ITPR1: variants seen among roughly 807,000 people sequenced by gnomAD.
The protein encoded by ITPR1 is inositol 1,4,5-trisphosphate-gated calcium channel ITPR1.
A neutral mutation model predicts 318.4 loss-of-function variants in ITPR1; 96 were observed. That is an observed-to-expected ratio of 0.30 (90% CI 0.26 to 0.36). ITPR1 has a LOEUF of 0.36. Ranked by LOEUF, ITPR1 falls within the 10% of genes least tolerant of loss-of-function variation. The pLI is 1.00. For missense variants in ITPR1, 2,440 were observed against 3,460.2 expected, an observed-to-expected ratio of 0.71 and a Z score of 7.40; for synonymous variants, 1,312 against 1,289.9, an observed-to-expected ratio of 1.02 and a Z score of -0.37.
chr3:4,716,175 C>G lies in ITPR1; in HGVS notation c.5104-1192C>G, dbSNP rs79230762. 6.9e-3 allele frequency among the ~76,000 whole-genome samples: 1,055 copies of G among 152,282 alleles called. 10 individuals carry two copies. Among genetic ancestry groups the G allele is most frequent in the Non-Finnish European group, 0.011 (728 of 68,026 alleles). On this transcript the variant is annotated intron_variant, in intron 39 of 61. Coordinates refer to ENST00000649015, the MANE Select transcript of ITPR1 (RefSeq NM_001378452.1). Reference sequence around the variant, plus strand: ...CTCTGTGTGCAATGCCTACTAATCTCTGCTTTTAATCTACAGTTTAAACCA... The same window carrying G: ...CTCTGTGTGCAATGCCTACTAATCTGTGCTTTTAATCTACAGTTTAAACCA...
At chr3:4,751,359 A>T (rs1022449822) in intron 44 of ITPR1, 1 of 152,026 alleles carries the variant, frequency 6.6e-6, no homozygotes, top group South Asian at 2.1e-4. Context: ...TGAGAACCCT[A>T]TGGCTGCCCA....
intron 4 of ITPR1, among the ~76,000 whole-genome samples, chr3:4,523,088 T>A (rs2082688638): frequency 6.6e-6 from 1 of 152,168 alleles, no homozygotes; most frequent in South Asian, 2.1e-4. Flanking sequence ...AAACTTGAAC[T>A]TTGTTATTCA....
In ITPR1 at chr3:4,697,321, T is replaced by TGTGTGTGA. The variant is rs773610457; in HGVS notation, c.4407+56_4407+57insAGTGTGTG. On this transcript the variant is annotated intron_variant, in intron 34 of 61. Transcript: ENST00000649015. ...GCAGAGTTGGAGAGTGAGAGGTGTG[T>TGTGTGTGA]GTGTGTGTGTGTGTGTGTGTGTGTG... The TGTGTGTGA allele has an allele frequency of 1.4e-3, 1,682 of 1,224,628 alleles. 13 individuals are homozygous for TGTGTGTGA. The African/African-American group carries it at 0.028, about 20-fold the overall frequency. 75.9% of individuals were successfully genotyped at this position (1,224,628 alleles called of 1,614,324 possible).
chr3:4,577,146 T>C (rs1292506420), intron 4 of ITPR1, among the ~76,000 whole-genome samples: 1 of 152,152 alleles, frequency 6.6e-6, no homozygotes, highest in Non-Finnish European at 1.5e-5. Context: ...ACCCCCCTAC[T>C]GAATACACTT....
intron 2 of ITPR1, among the ~76,000 whole-genome samples, chr3:4,497,535 G>A (rs1224605467): frequency 6.6e-6 from 1 of 152,088 alleles, no homozygotes; most frequent in African/African-American, 2.4e-5. Flanking sequence ...AAGCTATGGA[G>A]AAAAAGAAAA....
At chr3:4,546,000 T>C (rs1422314751) in intron 4 of ITPR1, among the ~76,000 whole-genome samples, 4 of 152,114 alleles carry the variant, frequency 2.6e-5, no homozygotes, top group African/African-American at 9.7e-5. Context: ...TTGAGCGAAA[T>C]ATTTAATTTT....
intron 30 of ITPR1, among the ~76,000 whole-genome samples, chr3:4,685,575 G>A (rs1574853997): frequency 6.6e-6 from 1 of 152,194 alleles, no homozygotes; most frequent in Non-Finnish European, 1.5e-5. Context: ...AGTATCACCA[G>A]CTATTAAGTG....
rs776510669 is a variant in ITPR1 at position 4,669,640 on chromosome 3, C to T, written c.1887-14C>T. 3 of 1,605,914 alleles carry T rather than the reference C, an allele frequency of 1.9e-6. 1 individual carries two copies. On this transcript the variant is annotated splice_polypyrimidine_tract_variant and intron_variant, in intron 18 of 61. Coordinates refer to ENST00000649015, the MANE Select transcript of ITPR1 (RefSeq NM_001378452.1). ...TCTATCTACAGAAAATGTTTTGTTT[C>T]TGTTTCTGTTTAGATTCTTAGATTA...
chr3:4,645,249 AT>A (rs1370845913), intron 8 of ITPR1, 137 bp from the exon 9 acceptor site: 6 of 678,550 alleles, frequency 8.8e-6, no homozygotes. Flanking sequence ...AGGTGCTGTG[AT>A]TTTAGTGGCG....
intron 60 of ITPR1, among the ~76,000 whole-genome samples, chr3:4,828,549 A>G (rs958961130): frequency 7.2e-5 from 11 of 152,164 alleles, no homozygotes; most frequent in Non-Finnish European, 1.2e-4. Flanking sequence ...CTAGGTGCCC[A>G]GGACCCAGCA....
At chr3:4,722,174 A>C (rs939841485) in intron 40 of ITPR1, among the ~76,000 whole-genome samples, 2 of 152,168 alleles carry the variant, frequency 1.3e-5, no homozygotes, top group African/African-American at 2.4e-5. Flanking sequence ...TCATTTTTCT[A>C]TTAAGTTAGG....
chr3:4,621,085 C>A (rs1002303112), intron 4 of ITPR1, among the ~76,000 whole-genome samples: 1 of 152,102 alleles, frequency 6.6e-6, no homozygotes. Flanking sequence ...ATTCCTCTCC[C>A]CACAATCCCA....
intron 4 of ITPR1, among the ~76,000 whole-genome samples, chr3:4,526,986 C>T (rs769281776): frequency 1.3e-5 from 2 of 152,188 alleles, no homozygotes; most frequent in Non-Finnish European, 2.9e-5. Flanking sequence ...AAAACCTGGC[C>T]TACTGGGGAA....
chr3:4,702,979 G>A (rs553291095), intron 36 of ITPR1, 29 bp downstream of exon 36: 19 of 1,602,338 alleles, frequency 1.2e-5, no homozygotes, highest in Non-Finnish European at 1.5e-5. Flanking sequence ...TTGGATATAC[G>A]TGATGAAAAT....
At chr3:4,506,359 G>A (rs535812981) in intron 2 of ITPR1, among the ~76,000 whole-genome samples, 101 of 152,166 alleles carry the variant, frequency 6.6e-4, no homozygotes, top group African/African-American at 2.2e-3. Context: ...TGTACTAGCC[G>A]TTTACTCTAC....
At chr3:4,777,197 CT>C (rs1220117134) in intron 47 of ITPR1, 66 bp from the exon 48 acceptor site, 8 of 895,452 alleles carry the variant, frequency 8.9e-6, no homozygotes, top group African/African-American at 1.6e-5. Context: ...GCAGTTCAGC[CT>C]GTTGGCCTTT....
chr3:4,784,491 C>G (rs1454591778), intron 51 of ITPR1, among the ~76,000 whole-genome samples: 1 of 151,810 alleles, frequency 6.6e-6, no homozygotes, highest in African/African-American at 2.4e-5. Context: ...GAAGTCTGGG[C>G]TGCATCCCCA....
At chr3:4,669,806 A>G (rs774361583) in intron 19 of ITPR1, 33 bp downstream of exon 19, 2 of 1,582,386 alleles carry the variant, frequency 1.3e-6, no homozygotes, top group Non-Finnish European at 1.7e-6. Context: ...GATGGAAAAC[A>G]TGGGGTTCAT....
chr3:4,768,573 G>A lies in ITPR1; in HGVS notation c.5788G>A (p.Ala1930Thr). ...VRDQLLEASAATRKAFTTFRR... is the reference protein window; with the variant it reads ...VRDQLLEASATTRKAFTTFRR... The stretch of plus-strand genomic sequence containing the variant: ...GGATCAGCTCCTGGAGGCCTCCGCT[G>A]CCACCAGGAAAGCCTTCACCACTTT... The change falls in exon 46 of 62, where the codon GCC becomes ACC. Residue 1930 changes from alanine (A) to threonine (T), a missense_variant. Ala to Thr is a moderately conservative substitution (Grantham distance 58, BLOSUM62 0). Transcript: ENST00000649015. The A allele has an allele frequency of 6.2e-7, 1 of 1,613,986 alleles. No individual in the cohort carries two copies. The highest frequency in any genetic ancestry group is 8.5e-7 in the Non-Finnish European group (1 of 1,179,860).
Sources: gnomAD v4.1 joint callset for allele counts (sites outside exome capture counted in the v4.1 genomes callset) on GRCh38, gnomAD v4.1.1 for gene constraint, MANE v1.5 for transcripts, NCBI Gene and HGNC (gene_info 2026-07-23, HGNC 2026-07-21) for gene names.